Variants in SHROOM3 observed in about 807,000 individuals in gnomAD.
SHROOM3 encodes protein Shroom3.
A neutral mutation model predicts 138.6 loss-of-function variants in SHROOM3; 47 were observed. That is an observed-to-expected ratio of 0.34 (90% CI 0.27 to 0.43). SHROOM3 has a LOEUF of 0.43. Ranked by LOEUF, SHROOM3 falls within the 20% of genes least tolerant of loss-of-function variation. The pLI, the probability that SHROOM3 is intolerant of heterozygous loss-of-function variation, is 1.00. For synonymous variants in SHROOM3, 1,062 were observed against 1,063.3 expected, an observed-to-expected ratio of 1.00 and a Z score of 0.02; for missense variants, 2,491 against 2,596.5, an observed-to-expected ratio of 0.96 and a Z score of 0.88.
chr4:76,566,359 A>G (rs925209246), intron 2 of SHROOM3, among the ~76,000 whole-genome samples: 3 of 152,260 alleles, frequency 2.0e-5, no homozygotes, highest in African/African-American at 4.8e-5. Context: ...TTTGATACCT[A>G]TGAGGGGGTC....
At chr4:76,585,390 T>A (rs776940000) in intron 2 of SHROOM3, among the ~76,000 whole-genome samples, 2 of 152,212 alleles carry the variant, frequency 1.3e-5, no homozygotes, top group African/African-American at 2.4e-5. Flanking sequence ...GGAGTCCCAT[T>A]TTCTTTCTGT....
intron 2 of SHROOM3, among the ~76,000 whole-genome samples, chr4:76,684,662 T>A (rs1323990626): frequency 6.6e-6 from 1 of 152,076 alleles, no homozygotes; most frequent in Non-Finnish European, 1.5e-5. Flanking sequence ...AACCTGGAGG[T>A]GCTTTGGTCA....
chr4:76,734,781 T>C (rs928242165), intron 4 of SHROOM3, among the ~76,000 whole-genome samples: 4 of 152,196 alleles, frequency 2.6e-5, no homozygotes, highest in Non-Finnish European at 5.9e-5. Flanking sequence ...ACTTCAGTTC[T>C]TTAAATATTA....
chr4:76,517,918 A>T (rs1378211048), intron 1 of SHROOM3, among the ~76,000 whole-genome samples: 1 of 152,204 alleles, frequency 6.6e-6, no homozygotes, highest in Non-Finnish European at 1.5e-5. Flanking sequence ...GCTGCAGCAG[A>T]GCAAGGGCTG....
intron 1 of SHROOM3, among the ~76,000 whole-genome samples, chr4:76,460,087 G>A (rs1014736996): frequency 4.6e-5 from 7 of 152,042 alleles, no homozygotes; most frequent in African/African-American, 1.7e-4. Context: ...GATCGCTTCT[G>A]GATTATGTGT....
chr4:76,611,880 C>T (rs1466975297), intron 2 of SHROOM3, among the ~76,000 whole-genome samples: 1 of 152,198 alleles, frequency 6.6e-6, no homozygotes, highest in Non-Finnish European at 1.5e-5. Flanking sequence ...CACCCAGTGT[C>T]CGGATCATCA....
intron 2 of SHROOM3, among the ~76,000 whole-genome samples, chr4:76,573,922 C>G (rs1181018899): frequency 4.0e-5 from 6 of 151,676 alleles, no homozygotes; most frequent in African/African-American, 1.4e-4. Context: ...TTCCTTCTGT[C>G]TGGACCTCTA....
chr4:76,711,429 C>CG (rs1720225530), intron 3 of SHROOM3, among the ~76,000 whole-genome samples: 1 of 152,148 alleles, frequency 6.6e-6, no homozygotes. Flanking sequence ...ATAGACATGT[C>CG]GACTTGCATT....
chr4:76,447,453 G>T (rs1379676159), intron 1 of SHROOM3, among the ~76,000 whole-genome samples: 1 of 152,108 alleles, frequency 6.6e-6, no homozygotes, highest in Non-Finnish European at 1.5e-5. Context: ...TTGAGGCCTT[G>T]TCTCATGGAA....
intron 4 of SHROOM3, among the ~76,000 whole-genome samples, chr4:76,733,250 C>T (rs1251068999): frequency 2.6e-5 from 4 of 152,200 alleles, no homozygotes; most frequent in African/African-American, 9.7e-5. Context: ...GCCGTCAGCA[C>T]CAGAAGTACA....
chr4:76,570,130 A>G (rs1297592309), intron 2 of SHROOM3, among the ~76,000 whole-genome samples: 1 of 150,330 alleles, frequency 6.7e-6, no homozygotes, highest in Non-Finnish European at 1.5e-5. Context: ...ATTTTAGAAC[A>G]CAACCCAAAT....
chr4:76,572,697 A>G (rs1203209723), intron 2 of SHROOM3, among the ~76,000 whole-genome samples: 1 of 152,246 alleles, frequency 6.6e-6, no homozygotes, highest in Non-Finnish European at 1.5e-5. Flanking sequence ...CTCTAGCAGT[A>G]TAACAGTGTA....
At chr4:76,578,646 G>T (rs917136970) in intron 2 of SHROOM3, among the ~76,000 whole-genome samples, 1 of 152,188 alleles carries the variant, frequency 6.6e-6, no homozygotes, top group Non-Finnish European at 1.5e-5. Context: ...GACCCAAGGT[G>T]GGCTGGAAAG....
At chr4:76,457,233 A>G (rs952435488) in intron 1 of SHROOM3, among the ~76,000 whole-genome samples, 1 of 152,100 alleles carries the variant, frequency 6.6e-6, no homozygotes. Flanking sequence ...TGGATTTCTC[A>G]TGAATGGTTT....
intron 3 of SHROOM3, among the ~76,000 whole-genome samples, chr4:76,714,875 G>A (rs1360581904): frequency 6.6e-6 from 1 of 152,036 alleles, no homozygotes; most frequent in Non-Finnish European, 1.5e-5. Context: ...CAGTACTACT[G>A]TTATTTATTT....
At chr4:76,750,942 A>G (rs2131540) in intron 6 of SHROOM3, among the ~76,000 whole-genome samples, 33,987 of 152,128 alleles carry the variant, frequency 0.22, 3,948 homozygotes, top group African/African-American at 0.24. Context: ...GTGCAGCTGC[A>G]TGCCTAGTGC....
intron 1 of SHROOM3, among the ~76,000 whole-genome samples, chr4:76,462,801 G>T (rs1731170312): frequency 6.7e-6 from 1 of 149,494 alleles, no homozygotes; most frequent in Admixed American, 6.8e-5. Context: ...AGACATGCTT[G>T]CTTCCCTTTT....
intron 2 of SHROOM3, among the ~76,000 whole-genome samples, chr4:76,633,968 C>T (rs1022303829): frequency 6.6e-6 from 1 of 152,108 alleles, no homozygotes; most frequent in African/African-American, 2.4e-5. Context: ...ATGCATTGAG[C>T]TAGAATGGAA....
intron 2 of SHROOM3, among the ~76,000 whole-genome samples, chr4:76,653,194 C>T (rs569534885): frequency 6.6e-6 from 1 of 151,968 alleles, no homozygotes. Flanking sequence ...TACCACTAAG[C>T]GGTCAGGGTT....
Sources: gnomAD v4.1 joint callset for allele counts (sites outside exome capture counted in the v4.1 genomes callset) on GRCh38, gnomAD v4.1.1 for gene constraint, MANE v1.5 for transcripts, NCBI Gene and HGNC (gene_info 2026-07-23, HGNC 2026-07-21) for gene names.